The following GALM variants were observed in gnomAD, a reference collection of about 807,000 sequenced individuals.
GALM encodes galactose mutarotase.
GALM carries 43 observed loss-of-function variants against 37.4 expected under a neutral mutation model. That is an observed-to-expected ratio of 1.15 (90% confidence interval 0.90 to 1.48). GALM has a LOEUF of 1.48. Among genes scored for constraint, GALM ranks in the 40% most tolerant of loss-of-function variants. The pLI is 0.00. For synonymous variants in GALM, 199 were observed against 170.6 expected (o/e 1.17, Z -1.30); for missense variants, 456 against 419.1 (o/e 1.09, Z -0.77).
chr2:38,730,776 C>T (rs1035096423), intron 5 of GALM, among the ~76,000 whole-genome samples: 14 of 151,396 alleles, frequency 9.2e-5, no homozygotes, highest in African/African-American at 3.4e-4. Context: ...TAAAAATTAG[C>T]CAGGCATGGT....
intron 4 of GALM, among the ~76,000 whole-genome samples, chr2:38,707,966 G>A (rs1207833150): frequency 6.6e-6 from 1 of 152,026 alleles, no homozygotes; most frequent in African/African-American, 2.4e-5. Context: ...AATTAGCGAG[G>A]CGTGGTAGCA....
intron 4 of GALM, among the ~76,000 whole-genome samples, chr2:38,694,538 G>A (rs1024730959): frequency 1.3e-5 from 2 of 152,160 alleles, no homozygotes; most frequent in African/African-American, 4.8e-5. Flanking sequence ...AAGGGAAGGA[G>A]GGAGAGGTTT....
chr2:38,714,466 C>A (rs1666230624), intron 4 of GALM, among the ~76,000 whole-genome samples: 3 of 152,066 alleles, frequency 2.0e-5, no homozygotes, highest in Admixed American at 2.0e-4. Flanking sequence ...CCGCCCACCT[C>A]AGCCTGCAAA....
chr2:38,733,590 C>T lies in GALM; in HGVS notation c.*25C>T. On this transcript the variant is annotated 3_prime_UTR_variant, in exon 7 of 7. Transcript: ENST00000272252. ...AGGAAGTGTGAAGATATGATCCAGTCCAGGGCTAGGCTCAGCCACCTGTCT... is the reference window on the plus strand; with the variant it reads ...AGGAAGTGTGAAGATATGATCCAGTTCAGGGCTAGGCTCAGCCACCTGTCT... 1 of 1,571,044 alleles carries T rather than the reference C, an allele frequency of 6.4e-7. No homozygotes were observed. The highest frequency in any genetic ancestry group is 8.8e-7 in the Non-Finnish European group (1 of 1,141,094).
At chr2:38,695,188 G>A (rs1032018891) in intron 4 of GALM, among the ~76,000 whole-genome samples, 2 of 152,046 alleles carry the variant, frequency 1.3e-5, no homozygotes, top group African/African-American at 4.8e-5. Flanking sequence ...TTCAGGAGGT[G>A]GAGGCGGTTG....
At chr2:38,691,428 A>G (rs1304854204) in intron 4 of GALM, among the ~76,000 whole-genome samples, 2 of 152,176 alleles carry the variant, frequency 1.3e-5, no homozygotes, top group East Asian at 3.8e-4. Context: ...CTGTAATCCC[A>G]GCACTTTGGG....
intron 3 of GALM, among the ~76,000 whole-genome samples, chr2:38,686,051 T>C (rs75749151): frequency 0.031 from 4,694 of 151,958 alleles, 246 homozygotes; most frequent in African/African-American, 0.11. Context: ...ATGTTACTAC[T>C]GCTTGGTGAC....
At chr2:38,676,100 G>T in intron 2 of GALM, 34 bp downstream of exon 2, 1 of 1,610,204 alleles carries the variant, frequency 6.2e-7, no homozygotes, top group Non-Finnish European at 8.5e-7. Flanking sequence ...GTTCCCTTTA[G>T]GCTCACTTTA....
intron 3 of GALM, among the ~76,000 whole-genome samples, chr2:38,686,510 C>T (rs1247953460): frequency 6.6e-6 from 1 of 151,944 alleles, no homozygotes; most frequent in Non-Finnish European, 1.5e-5. Context: ...GTGATCCACC[C>T]ACCTTGGCCT....
intron 4 of GALM, among the ~76,000 whole-genome samples, chr2:38,700,215 G>T (rs1399548134): frequency 6.6e-6 from 1 of 152,102 alleles, no homozygotes; most frequent in African/African-American, 2.4e-5. Flanking sequence ...GCCTCCCAAC[G>T]TACTAGGATA....
chr2:38,675,329 C>G (rs183542750), intron 1 of GALM, among the ~76,000 whole-genome samples: 458 of 152,194 alleles, frequency 3.0e-3, no homozygotes, highest in African/African-American at 0.011. Flanking sequence ...TTTCTTTGTG[C>G]TGTATAAAAT....
At chr2:38,688,468 G>A (rs1303327049) in intron 3 of GALM, among the ~76,000 whole-genome samples, 1 of 151,700 alleles carries the variant, frequency 6.6e-6, no homozygotes, top group Non-Finnish European at 1.5e-5. Flanking sequence ...CCGAGATCGC[G>A]CCATTGCATT....
chr2:38,697,886 T>A (rs182825577), intron 4 of GALM, among the ~76,000 whole-genome samples: 451 of 152,084 alleles, frequency 3.0e-3, no homozygotes, highest in African/African-American at 0.01. Context: ...CCCACAAATC[T>A]TTGGCAGCCA....
chr2:38,733,879 CTTTCT>C lies in GALM; in HGVS notation c.*319_*323del, dbSNP rs200509726. 0.023 allele frequency: 8,128 copies of C among 356,034 alleles called. 613 individuals are homozygous for C. Among genetic ancestry groups the C allele is most frequent in the African/African-American group, 0.16 (7,562 of 47,748 alleles). 22.1% of individuals were successfully genotyped at this position (356,034 alleles called of 1,614,324 possible). Reference sequence around the variant, plus strand: ...TTGGCTCCATCTCTCCACACTGCCTCTTTCTTTTCAACTTTTTGCCCTTCCTTTCT... The same window carrying C: ...TTGGCTCCATCTCTCCACACTGCCTCTTTCAACTTTTTGCCCTTCCTTTCT... On this transcript the variant is annotated 3_prime_UTR_variant, in exon 7 of 7. Transcript: ENST00000272252.
At chr2:38,671,651 C>T (rs769482986) in intron 1 of GALM, among the ~76,000 whole-genome samples, 1 of 152,154 alleles carries the variant, frequency 6.6e-6, no homozygotes, top group South Asian at 2.1e-4. Context: ...TTTATTTGTT[C>T]TAAAGGGTTT....
intron 4 of GALM, among the ~76,000 whole-genome samples, chr2:38,717,676 T>C (rs1039450947): frequency 1.3e-5 from 2 of 151,688 alleles, no homozygotes; most frequent in Non-Finnish European, 2.9e-5. Flanking sequence ...GCTGGAATTA[T>C]AGGTGGAAGC....
intron 4 of GALM, among the ~76,000 whole-genome samples, chr2:38,728,320 G>C (rs1161453437): frequency 6.6e-6 from 1 of 152,124 alleles, no homozygotes; most frequent in Non-Finnish European, 1.5e-5. Flanking sequence ...CTTGAACCTG[G>C]GAGGCAGAGG....
chr2:38,700,228 A>G (rs1665888262), intron 4 of GALM, among the ~76,000 whole-genome samples: 3 of 152,202 alleles, frequency 2.0e-5, no homozygotes, highest in Non-Finnish European at 4.4e-5. Flanking sequence ...CTAGGATAAC[A>G]GATGTGAACC....
intron 4 of GALM, among the ~76,000 whole-genome samples, chr2:38,711,890 G>A (rs1045410615): frequency 3.8e-4 from 10 of 26,352 alleles, no homozygotes; most frequent in African/African-American, 1.7e-3. Flanking sequence ...ACTATCTTAA[G>A]TAAGTGCTTT....
Sources: gnomAD v4.1 joint callset for allele counts (sites outside exome capture counted in the v4.1 genomes callset) on GRCh38, gnomAD v4.1.1 for gene constraint, MANE v1.5 for transcripts, NCBI Gene and HGNC (gene_info 2026-07-23, HGNC 2026-07-21) for gene names.